The following POU6F2 variants were observed in gnomAD, a reference collection of about 807,000 sequenced individuals.
The protein encoded by POU6F2 is POU domain, class 6, transcription factor 2.
In POU6F2, 31 loss-of-function variants were observed where a neutral mutation model predicts 71.3. The observed-to-expected ratio is 0.43, with a 90% CI of 0.33 to 0.59. The LOEUF (loss-of-function observed/expected upper bound fraction) is 0.59, where lower values mean the gene tolerates loss of function less well. Among genes scored for constraint, POU6F2 ranks in the 20% least tolerant of loss-of-function variants. The pLI is 0.04. For missense variants in POU6F2, 783 were observed against 856.8 expected, an observed-to-expected ratio of 0.91 and a Z score of 1.07; for synonymous variants, 347 against 355.7, an observed-to-expected ratio of 0.98 and a Z score of 0.27.
rs148225887 is a variant in POU6F2 at position 39,363,921 on chromosome 7, ATTCTT to A, written c.972+23911_972+23915del. On this transcript the variant is annotated intron_variant, in intron 5 of 9. Coordinates refer to ENST00000518318, the MANE Select transcript of POU6F2 (RefSeq NM_001370959.1). Reference sequence around the variant, plus strand: ...GAATTGGAGACATCAAGAATAGACAATTCTTTTCTGGCATTTTTCTCTGAAAGGAA... The same window carrying A: ...GAATTGGAGACATCAAGAATAGACAATTCTGGCATTTTTCTCTGAAAGGAA... 4.3e-3 allele frequency among the ~76,000 whole-genome samples: 655 copies of A among 152,308 alleles called. 2 individuals are homozygous for A. Among genetic ancestry groups the A allele is most frequent in the Middle Eastern group, 6.8e-3 (2 of 294 alleles).
chr7:39,419,081 A>G (rs1787775165), intron 6 of POU6F2, among the ~76,000 whole-genome samples: 1 of 141,126 alleles, frequency 7.1e-6, no homozygotes, highest in African/African-American at 2.7e-5. Flanking sequence ...ACACACATAT[A>G]TACGTATATG....
At chr7:39,317,295 A>G (rs1785286649) in intron 4 of POU6F2, among the ~76,000 whole-genome samples, 1 of 152,016 alleles carries the variant, frequency 6.6e-6, no homozygotes, top group South Asian at 2.1e-4. Context: ...CATGATGGGA[A>G]CTCGCCGATG....
intron 2 of POU6F2, among the ~76,000 whole-genome samples, chr7:39,189,402 C>T (rs371610391): frequency 1.1e-4 from 13 of 122,570 alleles, no homozygotes; most frequent in East Asian, 7.8e-4. Context: ...TTGTTTGAGA[C>T]GGAGTCTCGC....
chr7:39,198,012 C>T (rs1793821939), intron 2 of POU6F2, among the ~76,000 whole-genome samples: 1 of 152,162 alleles, frequency 6.6e-6, no homozygotes, highest in Non-Finnish European at 1.5e-5. Flanking sequence ...TCTCTAACTG[C>T]CTAAAGTATG....
At chr7:39,194,785 G>A (rs1264277526) in intron 2 of POU6F2, among the ~76,000 whole-genome samples, 3 of 152,182 alleles carry the variant, frequency 2.0e-5, no homozygotes, top group South Asian at 4.1e-4. Context: ...CACTCACCGC[G>A]AAGGTCTGCA....
At chr7:39,110,264 G>A (rs1395470376) in intron 2 of POU6F2, among the ~76,000 whole-genome samples, 7 of 94,212 alleles carry the variant, frequency 7.4e-5, no homozygotes, top group Admixed American at 1.3e-4. Flanking sequence ...GCGAAACTCC[G>A]TCTCAAAAAA....
At chr7:39,094,736 A>G (rs1470294391) in intron 2 of POU6F2, among the ~76,000 whole-genome samples, 1 of 150,910 alleles carries the variant, frequency 6.6e-6, no homozygotes, top group Admixed American at 6.6e-5. Flanking sequence ...GGTTAATATG[A>G]TTTAAAAATG....
At chr7:39,413,333 A>G (rs1214721448) in intron 6 of POU6F2, among the ~76,000 whole-genome samples, 1 of 152,210 alleles carries the variant, frequency 6.6e-6, no homozygotes, top group Non-Finnish European at 1.5e-5. Flanking sequence ...TATTCATTGA[A>G]GAAGCAAGAT....
chr7:39,396,556 C>T (rs765522433), intron 5 of POU6F2, among the ~76,000 whole-genome samples: 1 of 152,198 alleles, frequency 6.6e-6, no homozygotes, highest in African/African-American at 2.4e-5. Flanking sequence ...CCTCTGTCCA[C>T]CTGCAATGAA....
At position 39,006,868 on chromosome 7, in the gene POU6F2, G is replaced by A. The variant is rs769014521; in HGVS notation, c.105+28810G>A. 3.4e-5 allele frequency: 55 copies of A among 1,613,372 alleles called. No homozygotes were observed. In the South Asian group the frequency reaches 5.5e-4, roughly 16 times the overall value. On this transcript the variant is annotated intron_variant, in intron 1 of 9. Transcript: ENST00000518318. ...GTGGCAAATGAGTGCTCTTCTTCAG[G>A]TATTTTGTTGATTTTTCAGAATGCC...
chr7:39,269,188 A>G (rs1410585467), intron 4 of POU6F2, among the ~76,000 whole-genome samples: 1 of 152,192 alleles, frequency 6.6e-6, no homozygotes, highest in East Asian at 1.9e-4. Context: ...TGTGTTATAA[A>G]GAAATGGTGT....
At chr7:39,224,892 T>C (rs1584611364) in intron 4 of POU6F2, among the ~76,000 whole-genome samples, 1 of 152,226 alleles carries the variant, frequency 6.6e-6, no homozygotes, top group East Asian at 1.9e-4. Context: ...CTCTGAAACC[T>C]GGGACAGCCT....
intron 1 of POU6F2, among the ~76,000 whole-genome samples, chr7:39,009,665 T>C (rs1298730416): frequency 6.6e-6 from 1 of 152,224 alleles, no homozygotes; most frequent in Non-Finnish European, 1.5e-5. Flanking sequence ...GGGTTTATCA[T>C]AGACAGCTCT....
At chr7:39,269,445 C>A (rs867149774) in intron 4 of POU6F2, among the ~76,000 whole-genome samples, 10 of 152,242 alleles carry the variant, frequency 6.6e-5, no homozygotes, top group African/African-American at 2.4e-4. Flanking sequence ...CCCCCCAACA[C>A]CCCCACCAGA....
At chr7:39,087,427 C>T (rs2128721239) in intron 2 of POU6F2, among the ~76,000 whole-genome samples, 1 of 152,102 alleles carries the variant, frequency 6.6e-6, no homozygotes, top group Admixed American at 6.6e-5. Context: ...CTTTGAAAAG[C>T]AGCAATGCCA....
At chr7:38,982,512 T>C (rs1020325237) in intron 1 of POU6F2, among the ~76,000 whole-genome samples, 1 of 152,184 alleles carries the variant, frequency 6.6e-6, no homozygotes, top group Non-Finnish European at 1.5e-5. Context: ...TTCATACTTA[T>C]AGGAAAGTCT....
chr7:39,034,378 T>G (rs1035631636), intron 1 of POU6F2: 2 of 291,986 alleles, frequency 6.8e-6, no homozygotes, highest in African/African-American at 2.2e-5. Flanking sequence ...CATGCAAGAG[T>G]AGGAGAGAGG....
At chr7:39,368,373 A>C (rs1255411337) in intron 5 of POU6F2, among the ~76,000 whole-genome samples, 1 of 152,250 alleles carries the variant, frequency 6.6e-6, no homozygotes, top group Non-Finnish European at 1.5e-5. Flanking sequence ...CTTCAATTGT[A>C]TGAAGGCTGA....
intron 6 of POU6F2, among the ~76,000 whole-genome samples, chr7:39,412,039 G>A (rs1787560635): frequency 6.6e-6 from 1 of 152,212 alleles, no homozygotes; most frequent in Non-Finnish European, 1.5e-5. Flanking sequence ...GAGAGCAAGA[G>A]AGTAGCTAAA....
Sources: gnomAD v4.1 joint callset for allele counts (sites outside exome capture counted in the v4.1 genomes callset) on GRCh38, gnomAD v4.1.1 for gene constraint, MANE v1.5 for transcripts, NCBI Gene and HGNC (gene_info 2026-07-23, HGNC 2026-07-21) for gene names.